The following ITGAX variants were observed in gnomAD, a reference collection of about 807,000 sequenced individuals.
ITGAX encodes the protein integrin subunit alpha X, also known as integrin alpha-X.
A neutral mutation model predicts 140.2 loss-of-function variants in ITGAX; 99 were observed. That is an observed-to-expected ratio of 0.71 (90% CI 0.60 to 0.83). ITGAX has a LOEUF of 0.83. Among genes scored for constraint, ITGAX ranks in the 40% least tolerant of loss-of-function variants. The probability of loss-of-function intolerance (pLI) is 0.00; values close to 1 mark genes in which losing one functional copy is unlikely to be tolerated. For missense variants in ITGAX, 1,444 were observed against 1,482.0 expected, an observed-to-expected ratio of 0.97 and a Z score of 0.42; for synonymous variants, 631 against 600.4, an observed-to-expected ratio of 1.05 and a Z score of -0.75.
intron 14 of ITGAX, among the ~76,000 whole-genome samples, chr16:31,367,784 T>C (rs1417067720): frequency 1.3e-5 from 2 of 152,220 alleles, no homozygotes; most frequent in Non-Finnish European, 2.9e-5. Context: ...ATTTCGACTT[T>C]CAAGTCTCAT....
chr16:31,362,233 G>A (rs2080836228), intron 11 of ITGAX, 29 bp downstream of exon 11: 1 of 1,612,752 alleles, frequency 6.2e-7, no homozygotes, highest in South Asian at 1.1e-5. Flanking sequence ...TTGGGGACAG[G>A]TGGGAGATGC....
rs1182770144 is a variant in ITGAX, at chr16:31,362,131, G to T, written c.1143G>T (p.Leu381=). Residue 381 remains leucine (L), a synonymous_variant, in exon 11 of 30, where the codon CTG becomes CTT. Coordinates refer to ENST00000268296, the MANE Select transcript of ITGAX (RefSeq NM_000887.5). ...TCACCTGGTCTGGAGGTGCCTTCCT[G>T]TACCCCCCAAATATGAGCCCTACCT... ...GSFTWSGGAF[L]YPPNMSPTFI... 1 of 1,614,110 alleles carries T rather than the reference G, an allele frequency of 6.2e-7. No homozygotes were observed. The highest frequency in any genetic ancestry group is 8.5e-7 in the Non-Finnish European group (1 of 1,180,008).
chr16:31,378,770 C>A (rs2081041917), intron 23 of ITGAX, among the ~76,000 whole-genome samples: 1 of 151,822 alleles, frequency 6.6e-6, no homozygotes, highest in South Asian at 2.1e-4. Context: ...TGCACTCAGC[C>A]AATTAGCACT....
At chr16:31,378,106 G>A (rs1210812890) in intron 23 of ITGAX, among the ~76,000 whole-genome samples, 1 of 152,210 alleles carries the variant, frequency 6.6e-6, no homozygotes, top group African/African-American at 2.4e-5. Context: ...GGCTCAGGAG[G>A]TGTTAAACTG....
In ITGAX at chr16:31,379,795, C is replaced by T. The variant is rs751025994; in HGVS notation, c.2907C>T (p.Ile969=). The change falls in exon 25 of 30, where the codon ATC becomes ATT. Residue 969 remains isoleucine, a synonymous_variant. Transcript: ENST00000268296. ...NLGQRDLPVS[I]NFWVPVELNQ... ...GACAGAGGGACCTGCCTGTCAGCAT[C>T]AACTTCTGGGTGCCTGTGGAGCTGA... 6.2e-7 allele frequency: 1 copy of T among 1,614,166 alleles called. No individual in the cohort carries two copies. Among genetic ancestry groups the T allele is most frequent in the South Asian group, 1.1e-5 (1 of 91,078 alleles).
intron 9 of ITGAX, chr16:31,361,501 T>C: frequency 3.0e-6 from 2 of 670,078 alleles, no homozygotes; most frequent in Non-Finnish European, 2.7e-6. Context: ...CAGGAGACCC[T>C]TCCACCCACA....
intron 19 of ITGAX, 95 bp downstream of exon 19, chr16:31,372,765 C>T: frequency 8.1e-7 from 1 of 1,241,040 alleles, no homozygotes; most frequent in African/African-American, 1.5e-5. Flanking sequence ...TTGTCTCATC[C>T]TATAGTCAAA....
intron 9 of ITGAX, 197 bp from the exon 10 acceptor site, chr16:31,361,639 G>A: frequency 1.3e-6 from 1 of 742,218 alleles, no homozygotes. Flanking sequence ...GATCGGTGCT[G>A]CCATCGCTGT....
At chr16:31,363,453 CT>C in intron 14 of ITGAX, 79 bp downstream of exon 14, 8 of 1,516,526 alleles carry the variant, frequency 5.3e-6, no homozygotes, top group Non-Finnish European at 7.3e-6. Flanking sequence ...AAAACTGTCC[CT>C]TTTTACCTTT....
At chr16:31,378,401 C>T (rs529071567) in intron 23 of ITGAX, among the ~76,000 whole-genome samples, 25 of 152,250 alleles carry the variant, frequency 1.6e-4, no homozygotes, top group East Asian at 1.2e-3. Flanking sequence ...CTCTCTGCTC[C>T]GTTCATTGTA....
intron 5 of ITGAX, 161 bp downstream of exon 5, chr16:31,357,525 T>C: frequency 1.7e-6 from 1 of 594,524 alleles, no homozygotes; most frequent in South Asian, 2.1e-5. Flanking sequence ...CCGCACATCC[T>C]GCCGATCGCC....
At chr16:31,379,500 C>T in intron 23 of ITGAX, 68 bp from the exon 24 acceptor site, 2 of 1,452,872 alleles carry the variant, frequency 1.4e-6, no homozygotes, top group Non-Finnish European at 1.9e-6. Flanking sequence ...TCCTCTCATG[C>T]TCTAGCCAAT....
chr16:31,360,000 C>G lies in ITGAX; in HGVS notation c.642C>G (p.Ser214Arg), dbSNP rs776735511. The G allele has an allele frequency of 3.1e-6, 5 of 1,614,046 alleles. No individual in the cohort carries two copies. Among genetic ancestry groups the G allele is most frequent in the Non-Finnish European group, 4.2e-6 (5 of 1,180,044 alleles). The change falls in exon 7 of 30, where the codon AGC becomes AGG. Residue 214 changes from serine (S) to arginine (R), a missense_variant. By Grantham distance (110) the Ser-to-Arg change is moderately radical (BLOSUM62 -1). Coordinates refer to ENST00000268296, the MANE Select transcript of ITGAX (RefSeq NM_000887.5). The part of the protein sequence containing the change: ...EEFRRSSNPL[S>R]LLASVHQLQG... Reference sequence around the variant, plus strand: ...TCAGGCGCAGCTCAAACCCCCTCAGCCTGTTGGCTTCTGTTCACCAGCTGC... The same window carrying G: ...TCAGGCGCAGCTCAAACCCCCTCAGGCTGTTGGCTTCTGTTCACCAGCTGC...
chr16:31,357,730 A>G (rs2080778955), intron 5 of ITGAX: 1 of 438,676 alleles, frequency 2.3e-6, no homozygotes, highest in Non-Finnish European at 4.0e-6. Context: ...GAGAGGATCT[A>G]TTTTCATCCA....
chr16:31,360,933 T>C (rs941488598), intron 8 of ITGAX, 130 bp from the exon 9 acceptor site: 4 of 862,378 alleles, frequency 4.6e-6, no homozygotes, highest in Non-Finnish European at 5.5e-6. Flanking sequence ...CTGTCCGGGC[T>C]TCGTGTTTCT....
At chr16:31,368,854 C>T (rs2080920732) in intron 14 of ITGAX, among the ~76,000 whole-genome samples, 1 of 151,526 alleles carries the variant, frequency 6.6e-6, no homozygotes, top group Non-Finnish European at 1.5e-5. Flanking sequence ...CAAAGCACAT[C>T]TTGCACCGCC....
intron 14 of ITGAX, among the ~76,000 whole-genome samples, chr16:31,366,654 T>C (rs1218562159): frequency 1.3e-5 from 2 of 152,236 alleles, no homozygotes; most frequent in East Asian, 1.9e-4. Flanking sequence ...TAGCTGGCAT[T>C]ACAGGTGGGT....
At chr16:31,355,699 C>T (rs951237762) in intron 1 of ITGAX, among the ~76,000 whole-genome samples, 194 bp from the exon 2 acceptor site, 3 of 152,026 alleles carry the variant, frequency 2.0e-5, no homozygotes, top group African/African-American at 4.8e-5. Flanking sequence ...AACTGCAACT[C>T]GATAGTGGAT....
intron 14 of ITGAX, 123 bp from the exon 15 acceptor site, chr16:31,370,961 T>C: frequency 8.3e-7 from 1 of 1,207,832 alleles, no homozygotes; most frequent in Non-Finnish European, 1.2e-6. Context: ...CTTGGTGACA[T>C]CTGTTCACAA....
Sources: allele counts gnomAD v4.1 joint callset (sites outside exome capture counted in the v4.1 genomes callset), GRCh38; gene constraint gnomAD v4.1.1; transcripts MANE v1.5; gene names NCBI Gene and HGNC (gene_info 2026-07-23, HGNC 2026-07-21).